Variants in ZNRF3 observed in about 807,000 individuals in gnomAD.
ZNRF3 encodes the protein E3 ubiquitin-protein ligase ZNRF3.
A neutral mutation model predicts 72.5 loss-of-function variants in ZNRF3; 23 were observed. The observed-to-expected ratio is 0.32, with a 90% CI of 0.23 to 0.45. ZNRF3 has a LOEUF of 0.45. ZNRF3 is among the 20% of genes least tolerant of loss of function. The probability of loss-of-function intolerance (pLI) is 1.00; values close to 1 mark genes in which losing one functional copy is unlikely to be tolerated. For synonymous variants in ZNRF3, 610 were observed against 545.3 expected (o/e 1.12, Z -1.65); for missense variants, 1,169 against 1,272.1 (o/e 0.92, Z 1.23).
chr22:29,016,783 A>G (rs145503751), intron 2 of ZNRF3, among the ~76,000 whole-genome samples: 1 of 152,206 alleles, frequency 6.6e-6, no homozygotes, highest in African/African-American at 2.4e-5. Flanking sequence ...AGCATTGTTC[A>G]TTCACCTGGA....
intron 1 of ZNRF3, among the ~76,000 whole-genome samples, chr22:28,933,776 T>TCTCC (rs1569251179): frequency 5.6e-5 from 6 of 107,926 alleles, no homozygotes; most frequent in African/African-American, 2.2e-4. Context: ...TCTCTCTCTC[T>TCTCC]CTCCCCTCCC....
chr22:29,049,131 A>G lies in ZNRF3; in HGVS notation c.1016-66A>G. 1.3e-6 allele frequency: 2 copies of G among 1,496,132 alleles called. No homozygotes were observed. The highest frequency in any genetic ancestry group is 4.5e-5 in the Admixed American group (2 of 44,888). The allele number at this position is 1,496,132 out of a possible 1,614,324, so 92.7% of individuals were successfully genotyped here. On this transcript the variant is annotated intron_variant, in intron 7 of 8. Transcript: ENST00000544604. This position sits in a 1 kb window ranked among gnomAD's most constrained non-coding sequence, Gnocchi z 5.2. Reference sequence around the variant, plus strand: ...GCTTCAGCCTTTGCCCGTTTTAAAAATCCCTTTAGCCTCTGACACCAGTAT... The same window carrying G: ...GCTTCAGCCTTTGCCCGTTTTAAAAGTCCCTTTAGCCTCTGACACCAGTAT...
chr22:29,010,908 A>G (rs1363151628), intron 2 of ZNRF3, among the ~76,000 whole-genome samples: 1 of 152,102 alleles, frequency 6.6e-6, no homozygotes, highest in Non-Finnish European at 1.5e-5. Flanking sequence ...ACCTCAAGTG[A>G]TCCACCCGCC....
At chr22:28,914,476 A>T (rs1226673102) in intron 1 of ZNRF3, among the ~76,000 whole-genome samples, 5 of 148,362 alleles carry the variant, frequency 3.4e-5, no homozygotes, top group Non-Finnish European at 7.4e-5. Context: ...GTCATATTTC[A>T]TAGACTGTTG....
intron 2 of ZNRF3, among the ~76,000 whole-genome samples, chr22:28,996,411 C>T (rs2036046392): frequency 6.6e-6 from 1 of 152,148 alleles, no homozygotes. Flanking sequence ...GATTATAATT[C>T]CTAATTTGGT....
At chr22:29,026,382 G>A (rs1569286628) in intron 2 of ZNRF3, 1 of 152,102 alleles carries the variant, frequency 6.6e-6, no homozygotes, top group Non-Finnish European at 1.5e-5. Context: ...ATATTAGTTG[G>A]GCAGTTGACA....
In ZNRF3 at chr22:29,040,479, C is replaced by A. The variant is rs142115671; in HGVS notation, c.427-2016C>A. ...TACAGGCATAAGCCACCATGCCCAGCCATCCCCCACCGCCTTTTTTTTTTT... is the reference window on the plus strand; with the variant it reads ...TACAGGCATAAGCCACCATGCCCAGACATCCCCCACCGCCTTTTTTTTTTT... On this transcript the variant is annotated intron_variant, in intron 2 of 8. Transcript: ENST00000544604. 2.8e-3 allele frequency among the ~76,000 whole-genome samples: 423 copies of A among 152,098 alleles called. 5 individuals carry two copies. The highest frequency in any genetic ancestry group is 9.8e-3 in the African/African-American group (405 of 41,520).
At chr22:28,986,950 T>G in intron 1 of ZNRF3, 126 bp from the exon 2 acceptor site, 1 of 1,312,414 alleles carries the variant, frequency 7.6e-7, no homozygotes, top group Non-Finnish European at 1.0e-6. Context: ...GTTGAAAAAC[T>G]GTCCCCACTC....
rs896338357 is a variant in ZNRF3 at position 28,924,741 on chromosome 22, A to T, written c.300+40675A>T. On this transcript the variant is annotated intron_variant, in intron 1 of 8. Transcript: ENST00000544604. ...AACAGAGCAAGGCCTTGTCTCTAAAAAATAATAATAATAATAATTTTTAAA... is the reference window on the plus strand; with the variant it reads ...AACAGAGCAAGGCCTTGTCTCTAAATAATAATAATAATAATAATTTTTAAA... Among the ~76,000 whole-genome samples the T allele has an allele frequency of 6.6e-5, 10 of 152,110 alleles. No homozygotes were observed. The East Asian group carries it at 9.7e-4, about 15-fold the overall frequency.
intron 1 of ZNRF3, among the ~76,000 whole-genome samples, chr22:28,968,189 A>C (rs897752839): frequency 5.3e-5 from 8 of 152,178 alleles, no homozygotes; most frequent in Non-Finnish European, 1.2e-4. Context: ...CTTCCTCAGC[A>C]TGTCTTCCAG....
intron 1 of ZNRF3, among the ~76,000 whole-genome samples, chr22:28,922,843 T>C (rs1232281849): frequency 1.3e-5 from 2 of 152,172 alleles, no homozygotes; most frequent in Non-Finnish European, 2.9e-5. Flanking sequence ...TTTTCCTTCT[T>C]AGCATTTTTT....
At chr22:28,985,010 C>T (rs1011531157) in intron 1 of ZNRF3, among the ~76,000 whole-genome samples, 2 of 152,200 alleles carry the variant, frequency 1.3e-5, no homozygotes, top group Admixed American at 6.5e-5. Flanking sequence ...GCTGGCCGCC[C>T]TGTGCTCAGC....
At chr22:29,005,722 GGAGA>G (rs2036229808) in intron 2 of ZNRF3, among the ~76,000 whole-genome samples, 1 of 152,148 alleles carries the variant, frequency 6.6e-6, no homozygotes, top group South Asian at 2.1e-4. Context: ...ACATCTGACT[GGAGA>G]GAGTCAGTGG....
intron 2 of ZNRF3, among the ~76,000 whole-genome samples, chr22:29,036,985 C>T (rs2036877797): frequency 6.6e-6 from 1 of 152,216 alleles, no homozygotes; most frequent in Non-Finnish European, 1.5e-5. Context: ...GACATGTCTT[C>T]ATATTAGCGC....
intron 2 of ZNRF3, chr22:29,018,091 C>A: frequency 1.9e-6 from 1 of 517,612 alleles, no homozygotes; most frequent in African/African-American, 1.9e-5. Flanking sequence ...GGAGGGCGGA[C>A]GGGCAGACCG....
At chr22:29,037,130 G>T (rs991227934) in intron 2 of ZNRF3, among the ~76,000 whole-genome samples, 1 of 152,148 alleles carries the variant, frequency 6.6e-6, no homozygotes, top group Non-Finnish European at 1.5e-5. Flanking sequence ...AGGCACTAGG[G>T]ATACCACATC....
chr22:28,896,745 A>C (rs922414935), intron 1 of ZNRF3, among the ~76,000 whole-genome samples: 1 of 152,250 alleles, frequency 6.6e-6, no homozygotes, highest in African/African-American at 2.4e-5. Flanking sequence ...CATGTAAAGA[A>C]TGTTGCAAGC....
chr22:29,005,007 C>T (rs1183924281), intron 2 of ZNRF3, among the ~76,000 whole-genome samples: 1 of 152,198 alleles, frequency 6.6e-6, no homozygotes, highest in African/African-American at 2.4e-5. Context: ...TCACTCTGGC[C>T]CCTCTTGTCT....
chr22:29,046,692 C>T (rs776125854), intron 5 of ZNRF3, 24 bp from the exon 6 acceptor site: 13 of 1,572,506 alleles, frequency 8.3e-6, no homozygotes, highest in Non-Finnish European at 1.0e-5. Flanking sequence ...TGGACCCTCA[C>T]ACAGACTACA....
Sources: allele counts gnomAD v4.1 joint callset (sites outside exome capture counted in the v4.1 genomes callset), GRCh38; gene constraint gnomAD v4.1.1; non-coding constraint Gnocchi (gnomAD v3.1); transcripts MANE v1.5; gene names NCBI Gene and HGNC (gene_info 2026-07-23, HGNC 2026-07-21).